Variants in DLG2 observed in about 807,000 individuals in gnomAD.
The protein encoded by DLG2 is disks large homolog 2.
DLG2 carries 45 observed loss-of-function variants against 132.5 expected under a neutral mutation model. The observed-to-expected ratio is 0.34, with a 90% confidence interval of 0.27 to 0.44. The LOEUF (loss-of-function observed/expected upper bound fraction) is 0.44. Among genes scored for constraint, DLG2 ranks in the 20% least tolerant of loss-of-function variants. The pLI is 1.00. For missense variants in DLG2, 1,045 were observed against 1,196.9 expected (o/e 0.87, Z 1.87); for synonymous variants, 424 against 419.6 (o/e 1.01, Z -0.13).
chr11:83,864,225 C>G (rs2061915547), intron 16 of DLG2, among the ~76,000 whole-genome samples: 2 of 152,188 alleles, frequency 1.3e-5, no homozygotes, highest in Admixed American at 6.5e-5. Context: ...AGTAGCTTCC[C>G]TCAAATCAGC....
At chr11:84,464,964 C>A (rs1342704179) in intron 7 of DLG2, among the ~76,000 whole-genome samples, 1 of 151,198 alleles carries the variant, frequency 6.6e-6, no homozygotes, top group Non-Finnish European at 1.5e-5. Flanking sequence ...TAGGTCATGA[C>A]ATATTTATGA....
At chr11:83,542,218 A>G (rs1037448118) in intron 19 of DLG2, among the ~76,000 whole-genome samples, 2 of 151,898 alleles carry the variant, frequency 1.3e-5, no homozygotes, top group African/African-American at 4.9e-5. Flanking sequence ...AAATTACTAA[A>G]AAAAGTAAAA....
chr11:84,098,277 G>T (rs1288846178), intron 10 of DLG2, among the ~76,000 whole-genome samples: 1 of 152,082 alleles, frequency 6.6e-6, no homozygotes, highest in Non-Finnish European at 1.5e-5. Flanking sequence ...GACCTCAAGT[G>T]ATCCATCTGC....
At chr11:84,413,838 T>C (rs1290512030) in intron 7 of DLG2, among the ~76,000 whole-genome samples, 3 of 152,200 alleles carry the variant, frequency 2.0e-5, no homozygotes, top group Non-Finnish European at 4.4e-5. Context: ...GATTTTTTTT[T>C]CTTCAGTATA....
At chr11:84,859,423 T>TATACATATATATGTATATATAC (rs2083303553) in intron 6 of DLG2, among the ~76,000 whole-genome samples, 1 of 145,378 alleles carries the variant, frequency 6.9e-6, no homozygotes, top group African/African-American at 2.5e-5. Flanking sequence ...TATGTATACA[T>TATACATATATATGTATATATAC]ATACATATAT....
At chr11:84,328,047 T>G (rs1307853015) in intron 7 of DLG2, among the ~76,000 whole-genome samples, 1 of 152,204 alleles carries the variant, frequency 6.6e-6, no homozygotes, top group Non-Finnish European at 1.5e-5. Flanking sequence ...CTTCCCGTTC[T>G]AGATCCTCTA....
Position 83,752,257 on chromosome 11 carries a change from G to T in DLG2, c.1825+34433C>A, listed in dbSNP as rs181343175. ...CACTCCAGCCTGGTTGACAGAGCGAGACTCTGTCTCAAAAGAAAAAAAAAA... is the reference window on the plus strand; with the variant it reads ...CACTCCAGCCTGGTTGACAGAGCGATACTCTGTCTCAAAAGAAAAAAAAAA... On this transcript the variant is annotated intron_variant, in intron 18 of 27. Transcript: ENST00000376104. Among the ~76,000 whole-genome samples the T allele has an allele frequency of 1.5e-4, 22 of 149,858 alleles. No individual in the cohort carries two copies. The East Asian group carries it at 4.3e-3, about 29-fold the overall frequency.
At chr11:85,482,795 C>T (rs563837438) in intron 3 of DLG2, among the ~76,000 whole-genome samples, 53 of 152,268 alleles carry the variant, frequency 3.5e-4, no homozygotes, top group African/African-American at 1.1e-3. Flanking sequence ...TCTAGAAAAC[C>T]CAGAGTCCAG....
chr11:84,385,491 G>T (rs1466739905), intron 7 of DLG2, among the ~76,000 whole-genome samples: 1 of 152,076 alleles, frequency 6.6e-6, no homozygotes, highest in Non-Finnish European at 1.5e-5. Context: ...CATACTACAA[G>T]GTTATTTTTC....
intron 6 of DLG2, among the ~76,000 whole-genome samples, chr11:84,805,667 T>C (rs2075912179): frequency 6.6e-6 from 1 of 152,210 alleles, no homozygotes; most frequent in Non-Finnish European, 1.5e-5. Context: ...GCTCCTCCTT[T>C]GCCTGTCACA....
At chr11:83,698,305 G>T (rs1165310802) in intron 18 of DLG2, among the ~76,000 whole-genome samples, 1 of 152,160 alleles carries the variant, frequency 6.6e-6, no homozygotes, top group Non-Finnish European at 1.5e-5. Context: ...ATATATAGAT[G>T]ATAGGTTTGC....
At chr11:85,194,133 C>T (rs1013981940) in intron 4 of DLG2, among the ~76,000 whole-genome samples, 43 of 152,234 alleles carry the variant, frequency 2.8e-4, no homozygotes, top group Admixed American at 8.5e-4. Flanking sequence ...TAAGGCAATG[C>T]AGTCATGCAA....
chr11:84,809,754 T>C (rs2076366832), intron 6 of DLG2, among the ~76,000 whole-genome samples: 1 of 152,030 alleles, frequency 6.6e-6, no homozygotes, highest in Non-Finnish European at 1.5e-5. Flanking sequence ...AACAATTTTA[T>C]TCTGAAGTGT....
At chr11:84,831,538 A>T (rs2079054415) in intron 6 of DLG2, among the ~76,000 whole-genome samples, 1 of 151,682 alleles carries the variant, frequency 6.6e-6, no homozygotes, top group Non-Finnish European at 1.5e-5. Context: ...ATATAAACTG[A>T]CTTCAAAACT....
chr11:85,215,869 G>A (rs1238277206), intron 4 of DLG2, among the ~76,000 whole-genome samples: 1 of 152,030 alleles, frequency 6.6e-6, no homozygotes, highest in Non-Finnish European at 1.5e-5. Context: ...TGAACCTAAG[G>A]AAGTAGAGAG....
chr11:84,039,964 T>C (rs945850141), intron 11 of DLG2, among the ~76,000 whole-genome samples: 7 of 149,246 alleles, frequency 4.7e-5, no homozygotes, highest in Non-Finnish European at 1.1e-4. Flanking sequence ...ATTTCTCTGA[T>C]GGCCAGTGAT....
chr11:85,242,293 G>A (rs184726424), intron 4 of DLG2, among the ~76,000 whole-genome samples: 39 of 151,154 alleles, frequency 2.6e-4, no homozygotes, highest in African/African-American at 7.8e-4. Context: ...ATGTGATCTC[G>A]TTTTTCCTCT....
chr11:83,695,613 C>G (rs1022860525), intron 18 of DLG2, among the ~76,000 whole-genome samples: 1 of 152,094 alleles, frequency 6.6e-6, no homozygotes, highest in Non-Finnish European at 1.5e-5. Flanking sequence ...GTGGTGGGTG[C>G]CTGTAATCCC....
At chr11:84,184,905 G>A (rs2096244208) in intron 8 of DLG2, among the ~76,000 whole-genome samples, 1 of 152,088 alleles carries the variant, frequency 6.6e-6, no homozygotes, top group Non-Finnish European at 1.5e-5. Flanking sequence ...ATTTCTGAGG[G>A]CTCTGTTCTG....
Sources: allele counts gnomAD v4.1 joint callset (sites outside exome capture counted in the v4.1 genomes callset), GRCh38; gene constraint gnomAD v4.1.1; transcripts MANE v1.5; gene names NCBI Gene and HGNC (gene_info 2026-07-23, HGNC 2026-07-21).